Variants in TESC observed in about 807,000 individuals in gnomAD.
TESC encodes the protein tescalcin, also known as calcineurin B homologous protein 3.
Under a neutral mutation model 31.0 loss-of-function variants are expected in TESC, and 19 were observed. That is an observed-to-expected ratio of 0.61 (90% CI 0.43 to 0.90). The LOEUF (loss-of-function observed/expected upper bound fraction) is 0.90, where lower values mean the gene tolerates loss of function less well. TESC is among the 40% of genes least tolerant of loss of function. TESC has a pLI of 0.00. For synonymous variants in TESC, 109 were observed against 114.8 expected (o/e 0.95, Z 0.32); for missense variants, 248 against 303.8 (o/e 0.82, Z 1.36).
rs181738295 is a variant in TESC, at chr12:117,040,065, C to T, written c.568-855G>A. On this transcript the variant is annotated intron_variant, in intron 7 of 7. Coordinates refer to ENST00000335209, the MANE Select transcript of TESC (RefSeq NM_017899.4). ...TAAGAATCAAACTCTCAAGCTGTCA[C>T]TCTCAGCATCTCCGGGGACAGCCAC... Among the ~76,000 whole-genome samples the T allele has an allele frequency of 4.1e-3, 625 of 152,356 alleles. 2 individuals carry two copies. Among genetic ancestry groups the T allele is most frequent in the African/African-American group, 0.013 (557 of 41,592 alleles).
At chr12:117,047,279 G>A (rs905314196) in intron 4 of TESC, among the ~76,000 whole-genome samples, 2 of 152,240 alleles carry the variant, frequency 1.3e-5, no homozygotes, top group African/African-American at 4.8e-5. Flanking sequence ...CAGTGCTTCT[G>A]ATCTGGGCCC....
intron 3 of TESC, among the ~76,000 whole-genome samples, chr12:117,056,024 G>A (rs746072588): frequency 6.7e-6 from 1 of 150,248 alleles, no homozygotes; most frequent in Non-Finnish European, 1.5e-5. Context: ...GGGTTCAAGA[G>A]ATTCTCCTGC....
intron 1 of TESC, among the ~76,000 whole-genome samples, chr12:117,092,921 C>T (rs1464523330): frequency 6.6e-6 from 1 of 152,218 alleles, no homozygotes; most frequent in Admixed American, 6.5e-5. Context: ...GAGGGCCCTC[C>T]CCAGAGGCAC....
In TESC at chr12:117,056,868, A is replaced by AT; in HGVS notation, c.146dup (p.Asn49LysfsTer33). 1 of 1,614,128 alleles carries AT rather than the reference A, an allele frequency of 6.2e-7. No homozygotes were observed. Among genetic ancestry groups the AT allele is most frequent in the Non-Finnish European group, 8.5e-7 (1 of 1,180,020 alleles). On this transcript the variant is annotated frameshift_variant, in exon 3 of 8. Transcript: ENST00000335209. LOFTEE classifies it high-confidence loss of function. ...TGGGGTTGAGCTCCAGGTCCGGGAC[A>AT]TTGTTGAAGTTCTCCTTGCTGGTTT...
chr12:117,070,532 C>A (rs7954608), intron 2 of TESC, among the ~76,000 whole-genome samples: 67 of 151,866 alleles, frequency 4.4e-4, no homozygotes, highest in African/African-American at 1.5e-3. Flanking sequence ...ACCTCCCCCA[C>A]CCCCAGTAGC....
intron 6 of TESC, among the ~76,000 whole-genome samples, chr12:117,045,988 G>T (rs1954552063): frequency 1.3e-5 from 2 of 152,172 alleles, no homozygotes; most frequent in South Asian, 2.1e-4. Flanking sequence ...CTGAGTCTCA[G>T]TTTTCCCACC....
At chr12:117,049,677 G>C (rs1422215494) in intron 3 of TESC, among the ~76,000 whole-genome samples, 3 of 152,010 alleles carry the variant, frequency 2.0e-5, no homozygotes, top group Non-Finnish European at 2.9e-5. Flanking sequence ...GAGGTGGGCA[G>C]ATCACCTGAG....
intron 2 of TESC, among the ~76,000 whole-genome samples, chr12:117,060,863 C>G: frequency 6.6e-6 from 1 of 152,240 alleles, no homozygotes; most frequent in Non-Finnish European, 1.5e-5. Flanking sequence ...CAGAGGGAAT[C>G]TGGGAGAACA....
chr12:117,082,071 A>C (rs1411441574), intron 1 of TESC, among the ~76,000 whole-genome samples: 1 of 151,724 alleles, frequency 6.6e-6, no homozygotes, highest in African/African-American at 2.4e-5. Context: ...AAAAAAAAAA[A>C]AAAATCAAAA....
chr12:117,046,862 G>A (rs1285555328), intron 4 of TESC, 24 bp from the exon 5 acceptor site: 4 of 1,556,424 alleles, frequency 2.6e-6, no homozygotes, highest in Admixed American at 3.9e-5. Flanking sequence ...GGAGAGAGGG[G>A]ACTCCGTCAG....
chr12:117,056,882 C>G lies in TESC; in HGVS notation c.133G>C (p.Glu45Gln), dbSNP rs1205476641. The G allele has an allele frequency of 6.2e-7, 1 of 1,613,966 alleles. No individual in the cohort carries two copies. Among genetic ancestry groups the G allele is most frequent in the Non-Finnish European group, 8.5e-7 (1 of 1,179,994 alleles). Residue 45 changes from glutamate (E) to glutamine (Q), a missense_variant, in exon 3 of 8, where the codon GAG becomes CAG. Physicochemically the swap from Glu to Gln is conservative, Grantham distance 29. Coordinates refer to ENST00000335209, the MANE Select transcript of TESC (RefSeq NM_017899.4). ...LSGDQPTIRKENFNNVPDLEL... is the reference protein window; with the variant it reads ...LSGDQPTIRKQNFNNVPDLEL... ...AGGTCCGGGACATTGTTGAAGTTCT[C>G]CTTGCTGGTTTCCAAGAAGGAGAGA...
intron 1 of TESC, among the ~76,000 whole-genome samples, chr12:117,075,869 A>ATATATATATATGTG (rs1955049402): frequency 3.2e-5 from 1 of 31,442 alleles, no homozygotes; most frequent in Non-Finnish European, 6.8e-5. Flanking sequence ...ATATATATAT[A>ATATATATATATGTG]TGTGTGTATA....
chr12:117,095,028 AAAAGAG>A (rs932381064), intron 1 of TESC, among the ~76,000 whole-genome samples: 1 of 151,514 alleles, frequency 6.6e-6, no homozygotes, highest in African/African-American at 2.4e-5. Flanking sequence ...AAAAAAAAAA[AAAAGAG>A]AGAGAGACAA....
At chr12:117,041,242 G>A (rs577755283) in intron 7 of TESC, among the ~76,000 whole-genome samples, 16 of 152,302 alleles carry the variant, frequency 1.1e-4, no homozygotes, top group South Asian at 2.1e-4. Context: ...AGGCCCGGGC[G>A]CAACGTGTGC....
rs1013053550 is a variant in TESC, at chr12:117,087,758, G to A, written c.58+11467C>T. On this transcript the variant is annotated intron_variant, in intron 1 of 7. Coordinates refer to ENST00000335209, the MANE Select transcript of TESC (RefSeq NM_017899.4). Reference sequence around the variant, plus strand: ...CTTGGGAGGCTGAGGCAGGAGAATCGCTTGAACCTGGGAGGTGGAGGTTGC... The same window carrying A: ...CTTGGGAGGCTGAGGCAGGAGAATCACTTGAACCTGGGAGGTGGAGGTTGC... 3.9e-5 allele frequency among the ~76,000 whole-genome samples: 6 copies of A among 152,164 alleles called. No individual in the cohort carries two copies. The East Asian group carries it at 7.7e-4, about 20-fold the overall frequency.
intron 2 of TESC, 61 bp from the exon 3 acceptor site, chr12:117,056,947 G>A (rs566841806): frequency 1.3e-6 from 2 of 1,552,008 alleles, no homozygotes; most frequent in Admixed American, 3.4e-5. Flanking sequence ...GACGTCAGCT[G>A]GCATTTTCAT....
chr12:117,075,836 C>CGT (rs202077142), intron 1 of TESC, among the ~76,000 whole-genome samples: 1,577 of 54,810 alleles, frequency 0.029, 138 homozygotes, highest in African/African-American at 0.091. Context: ...GGCTAATTTT[C>CGT]GTGTGTGTGT....
chr12:117,070,561 T>A (rs567696398), intron 2 of TESC, among the ~76,000 whole-genome samples: 1 of 152,084 alleles, frequency 6.6e-6, no homozygotes, highest in East Asian at 1.9e-4. Context: ...AAGACTGAGG[T>A]CCTTAGAGAT....
chr12:117,077,322 A>G (rs922613222), intron 1 of TESC, among the ~76,000 whole-genome samples: 1 of 152,220 alleles, frequency 6.6e-6, no homozygotes, highest in African/African-American at 2.4e-5. Flanking sequence ...GAATCATCAA[A>G]GTGCAATTTC....
Sources: gnomAD v4.1 joint callset for allele counts (sites outside exome capture counted in the v4.1 genomes callset) on GRCh38, gnomAD v4.1.1 for gene constraint, MANE v1.5 for transcripts, NCBI Gene and HGNC (gene_info 2026-07-23, HGNC 2026-07-21) for gene names.